The following PIGN variants were observed in gnomAD, a reference collection of about 807,000 sequenced individuals.
The protein encoded by PIGN is GPI ethanolamine phosphate transferase 1.
PIGN carries 117 observed loss-of-function variants against 125.4 expected under a neutral mutation model. The ratio of observed to expected loss-of-function variants is 0.93; its 90% confidence interval spans 0.80 to 1.09. The LOEUF (loss-of-function observed/expected upper bound fraction) is 1.09, where lower values mean the gene tolerates loss of function less well. Ranked by LOEUF, PIGN falls within the 50% of genes least tolerant of loss-of-function variation. The probability of loss-of-function intolerance (pLI) is 0.00; values close to 1 mark genes in which losing one functional copy is unlikely to be tolerated. For missense variants in PIGN, 1,075 were observed against 1,094.9 expected, an observed-to-expected ratio of 0.98 and a Z score of 0.26; for synonymous variants, 392 against 377.8, an observed-to-expected ratio of 1.04 and a Z score of -0.44.
intron 14 of PIGN, chr18:62,136,287 T>C (rs1380507028): frequency 6.6e-6 from 1 of 152,208 alleles, no homozygotes; most frequent in Non-Finnish European, 1.5e-5. Flanking sequence ...TATACACATA[T>C]ATATACACAC....
chr18:62,171,922 ATTTTC>A (rs1376580391), intron 1 of PIGN, among the ~76,000 whole-genome samples: 2 of 152,090 alleles, frequency 1.3e-5, no homozygotes, highest in Non-Finnish European at 2.9e-5. Flanking sequence ...TAAGACTATA[ATTTTC>A]TTTTCTTATA....
chr18:62,151,974 AG>A (rs2036553426), intron 7 of PIGN, among the ~76,000 whole-genome samples: 1 of 152,222 alleles, frequency 6.6e-6, no homozygotes, highest in Non-Finnish European at 1.5e-5. Context: ...CACAGTGCTC[AG>A]GAGATCTTGA....
chr18:62,021,044 C>T (rs474214), intron 23 of PIGN, among the ~76,000 whole-genome samples: 35,827 of 151,522 alleles, frequency 0.24, 4,491 homozygotes, highest in Middle Eastern at 0.37. Flanking sequence ...CATATTCTTT[C>T]GGGGTGAATA....
chr18:62,114,725 T>G, intron 14 of PIGN, 86 bp from the exon 15 acceptor site: 1 of 582,732 alleles, frequency 1.7e-6, no homozygotes, highest in Non-Finnish European at 2.8e-6. Flanking sequence ...AAAACAAAGA[T>G]AGTGAAAATT....
chr18:62,030,439 C>G (rs1185455681), intron 23 of PIGN, among the ~76,000 whole-genome samples: 4 of 152,330 alleles, frequency 2.6e-5, no homozygotes, highest in Admixed American at 1.3e-4. Flanking sequence ...CCGGGTTTAT[C>G]ATAAACTTTC....
At chr18:62,029,338 G>T (rs2144884061) in intron 23 of PIGN, among the ~76,000 whole-genome samples, 1 of 152,222 alleles carries the variant, frequency 6.6e-6, no homozygotes, top group South Asian at 2.1e-4. Flanking sequence ...AGCCTGAGAA[G>T]CACCTGATTG....
At chr18:62,145,808 G>A in intron 10 of PIGN, 101 bp downstream of exon 10, 2 of 647,498 alleles carry the variant, frequency 3.1e-6, no homozygotes, top group South Asian at 1.8e-5. Context: ...GTCAAAATGA[G>A]GGATTTACAA....
intron 25 of PIGN, among the ~76,000 whole-genome samples, chr18:62,085,565 G>A (rs2033658945): frequency 6.6e-6 from 1 of 151,928 alleles, no homozygotes; most frequent in Non-Finnish European, 1.5e-5. Flanking sequence ...GGCTGCTAGT[G>A]ATTTTTTCAA....
intron 14 of PIGN, among the ~76,000 whole-genome samples, chr18:62,126,539 A>G (rs1020037468): frequency 6.6e-6 from 1 of 152,166 alleles, no homozygotes; most frequent in African/African-American, 2.4e-5. Context: ...AAGTCTCTGC[A>G]TCCCAGTTTC....
At chr18:62,110,353 CT>C (rs1301437084) in intron 16 of PIGN, among the ~76,000 whole-genome samples, 1 of 152,112 alleles carries the variant, frequency 6.6e-6, no homozygotes, top group African/African-American at 2.4e-5. Context: ...AGGTATGGGA[CT>C]TAATTATCAT....
rs1021952 is a variant in PIGN at position 62,156,976 on chromosome 18, A to T, written c.442+153T>A. ...AAGTATAACTAAGAAGGAAAAAAAA[A>T]TACTGTAATTAAACATCCCTATTTC... is the stretch of plus-strand genomic sequence containing the variant. On this transcript the variant is annotated intron_variant, in intron 6 of 30. Coordinates refer to ENST00000640252, the MANE Select transcript of PIGN (RefSeq NM_176787.5). Among the ~76,000 whole-genome samples the T allele has an allele frequency of 0.54, 81,789 of 151,974 alleles. 24,162 individuals carry two copies. Among genetic ancestry groups the T allele is most frequent in the East Asian group, 0.78 (4,059 of 5,180 alleles).
intron 23 of PIGN, among the ~76,000 whole-genome samples, chr18:62,026,517 C>T (rs1333886287): frequency 6.6e-6 from 1 of 152,166 alleles, no homozygotes; most frequent in African/African-American, 2.4e-5. Flanking sequence ...GATACTGGCA[C>T]AAGAACAAAG....
intron 1 of PIGN, among the ~76,000 whole-genome samples, chr18:62,172,038 A>G (rs1291582274): frequency 6.6e-6 from 1 of 152,050 alleles, no homozygotes; most frequent in Non-Finnish European, 1.5e-5. Flanking sequence ...TTCTTCCTTT[A>G]TCGAATAACA....
At position 62,109,880 on chromosome 18, in the gene PIGN, C is replaced by T. The variant is rs1013305939; in HGVS notation, c.1528G>A (p.Val510Ile). The change falls in exon 17 of 31, where the codon GTA (valine) becomes ATA (isoleucine). Residue 510 changes from valine (V) to isoleucine (I), a missense_variant. Val to Ile is a conservative substitution (Grantham distance 29). This residue lies in a region of PIGN where 915 missense variants were observed against 908.7 expected (regional missense o/e 1.01). Coordinates refer to ENST00000640252, the MANE Select transcript of PIGN (RefSeq NM_176787.5). Reference sequence around the variant, plus strand: ...ATTGGCAGTGGCAACAAACCATATACATAATATGTCCAGGGACAGGCTTGA... The same window carrying T: ...ATTGGCAGTGGCAACAAACCATATATATAATATGTCCAGGGACAGGCTTGA... ...LIQACPWTYY[V>I]YGLLPLPIWY... The T allele has an allele frequency of 6.2e-7, 1 of 1,612,876 alleles. No homozygotes were observed. Among genetic ancestry groups the T allele is most frequent in the Non-Finnish European group, 8.5e-7 (1 of 1,179,178 alleles).
At chr18:62,061,928 CCCA>C (rs2032172625) in intron 30 of PIGN, among the ~76,000 whole-genome samples, 1 of 152,124 alleles carries the variant, frequency 6.6e-6, no homozygotes, top group Admixed American at 6.5e-5. Context: ...CCCCTACTTC[CCCA>C]CCATTATCCA....
intron 14 of PIGN, among the ~76,000 whole-genome samples, chr18:62,125,156 A>ACG (rs2035477437): frequency 1.5e-5 from 1 of 66,232 alleles, no homozygotes; most frequent in Admixed American, 2.0e-4. Context: ...GTGTATATAC[A>ACG]TGTTTGTACA....
intron 23 of PIGN, among the ~76,000 whole-genome samples, chr18:62,028,818 A>G (rs1200129934): frequency 6.6e-6 from 1 of 152,260 alleles, no homozygotes; most frequent in Non-Finnish European, 1.5e-5. Flanking sequence ...GGAAATTATC[A>G]TCAGAGGAAG....
chr18:62,048,956 G>T lies in PIGN; in HGVS notation c.2673-2977C>A, dbSNP rs1206482953. On this transcript the variant is annotated intron_variant, in intron 30 of 30. Coordinates refer to ENST00000640252, the MANE Select transcript of PIGN (RefSeq NM_176787.5). ...CTATGAGTGAGAATATGCGGTGTTT[G>T]GTTTTTTGTCCTTGCGATAGTTTAC... Among the ~76,000 whole-genome samples, 51 of 150,282 alleles carry T rather than the reference G, an allele frequency of 3.4e-4. No individual in the cohort carries two copies. The East Asian group carries it at 7.3e-3, about 22-fold the overall frequency.
rs1045210576 is a variant in PIGN, at chr18:62,050,328, A to G, written c.2673-4349T>C. Among the ~76,000 whole-genome samples the G allele has an allele frequency of 4.4e-3, 674 of 151,536 alleles. 2 individuals are homozygous for G. Among genetic ancestry groups the G allele is most frequent in the African/African-American group, 0.016 (647 of 41,494 alleles). On this transcript the variant is annotated intron_variant, in intron 30 of 30. Coordinates refer to ENST00000640252, the MANE Select transcript of PIGN (RefSeq NM_176787.5). ...TTCACGATATTGATTCTTCCTACCC[A>G]TGAGCATGGAATGTTCTTCCATTTG...
Sources: allele counts gnomAD v4.1 joint callset (sites outside exome capture counted in the v4.1 genomes callset), GRCh38; gene constraint gnomAD v4.1.1; regional missense constraint gnomAD v4.1.1; transcripts MANE v1.5; gene names NCBI Gene and HGNC (gene_info 2026-07-23, HGNC 2026-07-21).